Variants in TMCC3 observed in about 807,000 individuals in gnomAD.
The protein encoded by TMCC3 is transmembrane and coiled-coil domain protein 3.
Under a neutral mutation model 40.2 loss-of-function variants are expected in TMCC3, and 28 were observed. That is an observed-to-expected ratio of 0.70 (90% CI 0.52 to 0.95). TMCC3 has a LOEUF of 0.95. Ranked by LOEUF, TMCC3 falls within the 40% of genes least tolerant of loss-of-function variation. TMCC3 has a pLI of 0.00. For missense variants in TMCC3, 554 were observed against 615.2 expected (o/e 0.90, Z 1.05); for synonymous variants, 255 against 248.5 (o/e 1.03, Z -0.25).
At chr12:94,643,779 G>A (rs1362110808) in intron 1 of TMCC3, among the ~76,000 whole-genome samples, 1 of 152,228 alleles carries the variant, frequency 6.6e-6, no homozygotes, top group African/African-American at 2.4e-5. Flanking sequence ...GAAAGACTGG[G>A]CTGCTCTCCA....
At chr12:94,573,800 C>T (rs1034848310) in intron 3 of TMCC3, among the ~76,000 whole-genome samples, 2 of 149,584 alleles carry the variant, frequency 1.3e-5, no homozygotes, top group Non-Finnish European at 3.0e-5. Flanking sequence ...TACACTCTGC[C>T]TGAGACATGT....
chr12:94,613,036 A>G (rs909348180), intron 1 of TMCC3, among the ~76,000 whole-genome samples: 8 of 152,158 alleles, frequency 5.3e-5, no homozygotes, highest in Non-Finnish European at 1.0e-4. Context: ...CCTATGGGCA[A>G]TAAAATGGAG....
At chr12:94,584,311 C>T (rs1037672697) in intron 1 of TMCC3, among the ~76,000 whole-genome samples, 2 of 152,100 alleles carry the variant, frequency 1.3e-5, no homozygotes, top group African/African-American at 2.4e-5. Flanking sequence ...CTGCTTTCGC[C>T]GTGGGAAGTG....
Position 94,643,850 on chromosome 12 carries a change from A to G in TMCC3, c.78+6503T>C, listed in dbSNP as rs575531411. On this transcript the variant is annotated intron_variant, in intron 1 of 3. Coordinates refer to ENST00000261226, the MANE Select transcript of TMCC3 (RefSeq NM_020698.4). ...GAATCAAGCTCTGGAGTTGAGACAT[A>G]CACAGGTTCAAACCCTAGCTCTACC... is the stretch of plus-strand genomic sequence containing the variant. Among the ~76,000 whole-genome samples the G allele has an allele frequency of 3.9e-5, 6 of 152,378 alleles. No homozygotes were observed. The South Asian group carries it at 1.2e-3, about 32-fold the overall frequency.
At chr12:94,638,999 T>C (rs1335387624) in intron 1 of TMCC3, among the ~76,000 whole-genome samples, 2 of 110,312 alleles carry the variant, frequency 1.8e-5, no homozygotes, top group African/African-American at 6.5e-5. Flanking sequence ...AACTTTACTT[T>C]AGAAAAACAT....
intron 1 of TMCC3, among the ~76,000 whole-genome samples, chr12:94,631,323 C>T (rs111400971): frequency 2.0e-4 from 31 of 152,144 alleles, no homozygotes; most frequent in African/African-American, 7.5e-4. Context: ...GAAATCCTAA[C>T]CCCCACTACC....
intron 1 of TMCC3, among the ~76,000 whole-genome samples, chr12:94,589,665 GA>G (rs2068660254): frequency 6.6e-6 from 1 of 151,822 alleles, no homozygotes; most frequent in African/African-American, 2.4e-5. Flanking sequence ...AGCCAGGCTG[GA>G]AATTCTGGCT....
At chr12:94,603,535 TAATG>T (rs564648845) in intron 1 of TMCC3, among the ~76,000 whole-genome samples, 237 of 152,338 alleles carry the variant, frequency 1.6e-3, no homozygotes, top group Middle Eastern at 3.4e-3. Flanking sequence ...GTGTAATACT[TAATG>T]AAAGAAGCCA....
At chr12:94,613,878 A>G (rs750400585) in intron 1 of TMCC3, 2 of 152,192 alleles carry the variant, frequency 1.3e-5, no homozygotes, top group Non-Finnish European at 2.9e-5. Context: ...GCGGATCACA[A>G]GGTCAGGAGA....
At chr12:94,596,516 C>T (rs1404448753) in intron 1 of TMCC3, among the ~76,000 whole-genome samples, 1 of 152,218 alleles carries the variant, frequency 6.6e-6, no homozygotes, top group Non-Finnish European at 1.5e-5. Flanking sequence ...CCCCCACGCC[C>T]AGCTAGGATT....
chr12:94,578,734 C>T (rs2068583055), intron 2 of TMCC3, among the ~76,000 whole-genome samples: 1 of 152,178 alleles, frequency 6.6e-6, no homozygotes, highest in Non-Finnish European at 1.5e-5. Context: ...TCTCTGGGGT[C>T]TTGACTCTCT....
intron 3 of TMCC3, among the ~76,000 whole-genome samples, chr12:94,572,687 G>A (rs527525472): frequency 6.6e-5 from 10 of 152,306 alleles, no homozygotes; most frequent in Admixed American, 1.3e-4. Context: ...AAGCAGAGAA[G>A]GAGGGAGGTT....
chr12:94,611,230 A>G (rs1056809006), intron 1 of TMCC3, among the ~76,000 whole-genome samples: 1 of 152,326 alleles, frequency 6.6e-6, no homozygotes, highest in Middle Eastern at 3.4e-3. Context: ...CCCATTTCCC[A>G]AGGAAATAAA....
intron 1 of TMCC3, among the ~76,000 whole-genome samples, chr12:94,639,042 T>C (rs2068975393): frequency 6.6e-6 from 1 of 152,224 alleles, no homozygotes; most frequent in African/African-American, 2.4e-5. Context: ...CCACTATCTG[T>C]CCTTGCCTGA....
intron 3 of TMCC3, among the ~76,000 whole-genome samples, chr12:94,578,162 A>G (rs1404676386): frequency 1.3e-5 from 2 of 149,934 alleles, no homozygotes; most frequent in African/African-American, 2.5e-5. Flanking sequence ...AAAAAAAAAA[A>G]AAAAAAGAAA....
intron 2 of TMCC3, 107 bp from the exon 3 acceptor site, chr12:94,578,636 C>T (rs2138821824): frequency 1.6e-6 from 2 of 1,239,208 alleles, no homozygotes; most frequent in East Asian, 2.6e-5. Flanking sequence ...CTCTCATTCC[C>T]TGATGGGCTG....
intron 1 of TMCC3, among the ~76,000 whole-genome samples, chr12:94,638,028 G>A (rs138174901): frequency 1.8e-4 from 27 of 152,350 alleles, no homozygotes; most frequent in Non-Finnish European, 2.9e-4. Context: ...AAAGGAGACC[G>A]GAGTTCAAGG....
chr12:94,603,069 A>G (rs1234344661), intron 1 of TMCC3, among the ~76,000 whole-genome samples: 1 of 151,870 alleles, frequency 6.6e-6, no homozygotes. Context: ...ACTGAGTATT[A>G]CTCTTTATAA....
intron 1 of TMCC3, chr12:94,591,085 G>A (rs1017968514): frequency 2.0e-6 from 1 of 495,474 alleles, no homozygotes; most frequent in East Asian, 5.3e-5. Flanking sequence ...CTTTGTCCTG[G>A]GAGATGGTCG....
Sources: gnomAD v4.1 joint callset for allele counts (sites outside exome capture counted in the v4.1 genomes callset) on GRCh38, gnomAD v4.1.1 for gene constraint, MANE v1.5 for transcripts, NCBI Gene and HGNC (gene_info 2026-07-23, HGNC 2026-07-21) for gene names.